ZCWPW2: variants seen among roughly 807,000 people sequenced by gnomAD.
The protein encoded by ZCWPW2 is zinc finger CW-type and PWWP domain containing 2, also known as zinc finger CW-type PWWP domain protein 2.
In ZCWPW2, 45 loss-of-function variants were observed where a neutral mutation model predicts 46.6. The observed-to-expected ratio is 0.96, with a 90% CI of 0.76 to 1.24. The LOEUF is 1.24. Ranked by LOEUF, ZCWPW2 falls within the 50% of genes most tolerant of loss-of-function variation. The pLI is 0.00. For missense variants in ZCWPW2, 429 were observed against 403.9 expected (o/e 1.06, Z -0.53); for synonymous variants, 152 against 137.1 (o/e 1.11, Z -0.76).
At chr3:28,451,622 C>T (rs757010913) in intron 4 of ZCWPW2, among the ~76,000 whole-genome samples, 1 of 152,132 alleles carries the variant, frequency 6.6e-6, no homozygotes, top group African/African-American at 2.4e-5. Flanking sequence ...TTTCAAATTC[C>T]ATTTGCAGTG....
chr3:28,507,874 T>TA (rs935988139), intron 6 of ZCWPW2, among the ~76,000 whole-genome samples: 8 of 152,120 alleles, frequency 5.3e-5, no homozygotes, highest in Non-Finnish European at 7.3e-5. Context: ...TTAAGAGAGG[T>TA]AAAAAAACCC....
chr3:28,393,230 C>G (rs1575083043), intron 2 of ZCWPW2, among the ~76,000 whole-genome samples: 1 of 152,092 alleles, frequency 6.6e-6, no homozygotes, highest in East Asian at 1.9e-4. Flanking sequence ...ATTATGTAAC[C>G]TACCAAGATG....
intron 3 of ZCWPW2, among the ~76,000 whole-genome samples, chr3:28,423,591 C>T (rs1008112550): frequency 6.6e-6 from 1 of 152,018 alleles, no homozygotes; most frequent in Admixed American, 6.6e-5. Context: ...TGGTCTCGAT[C>T]TCCTAACCTC....
chr3:28,433,284 T>A (rs1575127736), intron 3 of ZCWPW2, among the ~76,000 whole-genome samples: 1 of 152,226 alleles, frequency 6.6e-6, no homozygotes, highest in Non-Finnish European at 1.5e-5. Flanking sequence ...TTGAGTTGAA[T>A]ATAGCCTCCC....
rs141539385 is a variant in ZCWPW2 at position 28,359,924 on chromosome 3, A to G, written c.-134+10721A>G. 2.5e-3 allele frequency among the ~76,000 whole-genome samples: 385 copies of G among 152,294 alleles called. 1 individual carries two copies. The highest frequency in any genetic ancestry group is 8.4e-3 in the African/African-American group (349 of 41,570). On this transcript the variant is annotated intron_variant, in intron 1 of 9. Coordinates refer to ENST00000383768, the MANE Select transcript of ZCWPW2 (RefSeq NM_001040432.4). ...GTCACTTCTCATGTTTTAATAAGAAATTTTAGGAAAAATTAGAAATCATTG... is the reference window on the plus strand; with the variant it reads ...GTCACTTCTCATGTTTTAATAAGAAGTTTTAGGAAAAATTAGAAATCATTG...
In ZCWPW2 at chr3:28,387,968, T is replaced by C. The variant is rs74316658; in HGVS notation, c.-133-2530T>C. Among the ~76,000 whole-genome samples the C allele has an allele frequency of 6.8e-3, 1,039 of 152,222 alleles. 11 individuals are homozygous for C. The highest frequency in any genetic ancestry group is 0.023 in the African/African-American group (943 of 41,544). ...GAAAATGTGTATGTATAGAGAGAGATTTATTTCAAGCAATTGGCTCATGTG... is the reference window on the plus strand; with the variant it reads ...GAAAATGTGTATGTATAGAGAGAGACTTATTTCAAGCAATTGGCTCATGTG... On this transcript the variant is annotated intron_variant, in intron 1 of 9. Transcript: ENST00000383768.
At chr3:28,503,543 A>G (rs532548292) in intron 6 of ZCWPW2, among the ~76,000 whole-genome samples, 1 of 152,236 alleles carries the variant, frequency 6.6e-6, no homozygotes, top group Non-Finnish European at 1.5e-5. Context: ...TTGATATAAT[A>G]TAGAATAGGA....
intron 1 of ZCWPW2, among the ~76,000 whole-genome samples, chr3:28,368,759 A>C (rs1443056730): frequency 6.6e-6 from 1 of 152,230 alleles, no homozygotes; most frequent in Non-Finnish European, 1.5e-5. Flanking sequence ...AGTGTTTTCC[A>C]ACTTGGTTCC....
rs1870259 is a variant in ZCWPW2 at position 28,348,860 on chromosome 3, A to G, written c.-477A>G. 0.54 allele frequency: 412,216 copies of G among 768,486 alleles called. 112,074 individuals are homozygous for G. The highest frequency in any genetic ancestry group is 0.58 in the African/African-American group (30,438 of 52,914). The allele number at this position is 768,486 out of a possible 1,614,324, so 47.6% of individuals were successfully genotyped here. A position where few individuals can be genotyped will look rare whatever the true frequency, so the allele number is the denominator to read the frequency against. ...AGGCAGGAGGGGCCGGGCCGACGCG[A>G]GAGAAGGCCCGTTACCCAGCAATAC... On this transcript the variant is annotated 5_prime_UTR_variant, in exon 1 of 10. Coordinates refer to ENST00000383768, the MANE Select transcript of ZCWPW2 (RefSeq NM_001040432.4).
At chr3:28,510,673 G>T (rs1456935213) in intron 6 of ZCWPW2, among the ~76,000 whole-genome samples, 4 of 152,104 alleles carry the variant, frequency 2.6e-5, no homozygotes, top group South Asian at 2.1e-4. Context: ...GTAGGGCAGA[G>T]CTACCTACCT....
intron 1 of ZCWPW2, among the ~76,000 whole-genome samples, chr3:28,385,362 G>T (rs553170180): frequency 6.6e-6 from 1 of 152,154 alleles, no homozygotes. Context: ...GGCCTGTATA[G>T]CTTTTAATTA....
intron 4 of ZCWPW2, among the ~76,000 whole-genome samples, chr3:28,460,025 C>T (rs1698566276): frequency 6.6e-6 from 1 of 152,138 alleles, no homozygotes; most frequent in Non-Finnish European, 1.5e-5. Context: ...TCATTTCCTA[C>T]CTCCCCAGCC....
chr3:28,512,420 G>A (rs930922715), intron 6 of ZCWPW2, among the ~76,000 whole-genome samples: 6 of 151,752 alleles, frequency 4.0e-5, no homozygotes, highest in Non-Finnish European at 8.8e-5. Flanking sequence ...CCTCACCTCT[G>A]ATAATCAACC....
intron 1 of ZCWPW2, among the ~76,000 whole-genome samples, chr3:28,387,981 A>G (rs961198082): frequency 1.3e-5 from 2 of 152,172 alleles, no homozygotes; most frequent in South Asian, 4.1e-4. Flanking sequence ...ATTTCAAGCA[A>G]TTGGCTCATG....
In ZCWPW2 at chr3:28,521,064, C is replaced by T. The variant is rs1309655468; in HGVS notation, c.857C>T (p.Thr286Ile). ...MLQQALQPTA[T>I]PDESEEGHGE... ...CAGCAAGCACTGCAACCCACAGCCACACCTGATGAATCAGAAGAAGGACAT... is the reference window on the plus strand; with the variant it reads ...CAGCAAGCACTGCAACCCACAGCCATACCTGATGAATCAGAAGAAGGACAT... Residue 286 changes from threonine to isoleucine, a missense_variant, in exon 9 of 10, where the codon ACA becomes ATA. Thr to Ile is a moderately conservative substitution (Grantham distance 89, BLOSUM62 -1). Coordinates refer to ENST00000383768, the MANE Select transcript of ZCWPW2 (RefSeq NM_001040432.4). The T allele has an allele frequency of 1.2e-6, 2 of 1,610,946 alleles. No homozygotes were observed. Among genetic ancestry groups the T allele is most frequent in the Non-Finnish European group, 8.5e-7 (1 of 1,179,144 alleles).
intron 8 of ZCWPW2, 125 bp downstream of exon 8, chr3:28,515,746 TATACACATATATAC>T: frequency 3.3e-6 from 2 of 602,510 alleles, no homozygotes; most frequent in Non-Finnish European, 5.3e-6. Context: ...TGTGTGTGTG[TATACACATATATAC>T]ATGTGCGTAC....
At chr3:28,501,428 G>A (rs752269823) in intron 6 of ZCWPW2, among the ~76,000 whole-genome samples, 5 of 152,128 alleles carry the variant, frequency 3.3e-5, no homozygotes, top group Admixed American at 6.6e-5. Flanking sequence ...CCTAGTGCGA[G>A]TGACTCCATT....
intron 8 of ZCWPW2, among the ~76,000 whole-genome samples, chr3:28,517,936 G>T (rs932588220): frequency 1.3e-5 from 2 of 152,048 alleles, no homozygotes; most frequent in African/African-American, 4.8e-5. Flanking sequence ...AGGAGTTCAT[G>T]ACGAGCCTGG....
At chr3:28,497,028 G>A (rs1559529585) in intron 6 of ZCWPW2, among the ~76,000 whole-genome samples, 1 of 147,808 alleles carries the variant, frequency 6.8e-6, no homozygotes, top group African/African-American at 2.5e-5. Flanking sequence ...TGTAATACAG[G>A]GTATTTATAT....
Sources: allele counts gnomAD v4.1 joint callset (sites outside exome capture counted in the v4.1 genomes callset), GRCh38; gene constraint gnomAD v4.1.1; transcripts MANE v1.5; gene names NCBI Gene and HGNC (gene_info 2026-07-23, HGNC 2026-07-21).